Variants in IL2RB observed in about 807,000 individuals in gnomAD.
IL2RB encodes interleukin-2 receptor subunit beta.
In IL2RB, 17 loss-of-function variants were observed where a neutral mutation model predicts 44.2. That is an observed-to-expected ratio of 0.38 (90% CI 0.26 to 0.58). IL2RB has a LOEUF of 0.58. IL2RB is among the 20% of genes least tolerant of loss of function. The probability of loss-of-function intolerance (pLI) is 0.63; values close to 1 mark genes in which losing one functional copy is unlikely to be tolerated. For synonymous variants in IL2RB, 286 were observed against 297.9 expected, an observed-to-expected ratio of 0.96 and a Z score of 0.41; for missense variants, 624 against 685.5, an observed-to-expected ratio of 0.91 and a Z score of 1.00.
At chr22:37,170,067 GGATGGGGGA>G (rs59579453) in intron 1 of IL2RB, among the ~76,000 whole-genome samples, 123,516 of 144,624 alleles carry the variant, frequency 0.85, 51,814 homozygotes, top group East Asian at 0.94. Context: ...AAGGAAGGAA[GGATGGGGGA>G]GAAGGAAGGA....
chr22:37,158,042 A>C (rs570991992), intron 1 of IL2RB, among the ~76,000 whole-genome samples: 1 of 152,312 alleles, frequency 6.6e-6, no homozygotes, highest in African/African-American at 2.4e-5. Flanking sequence ...TCTCCCTGGA[A>C]GGCAATCTGA....
chr22:37,136,534 T>G (rs764400931), intron 6 of IL2RB, 141 bp from the exon 7 acceptor site: 118 of 877,944 alleles, frequency 1.3e-4, no homozygotes, highest in Non-Finnish European at 1.9e-4. Context: ...ACTACCCAGT[T>G]GCTGGGGCCT....
chr22:37,155,517 T>C (rs229481), intron 1 of IL2RB, among the ~76,000 whole-genome samples: 11 of 152,352 alleles, frequency 7.2e-5, no homozygotes, highest in African/African-American at 2.6e-4. Context: ...GTCAGGGCTT[T>C]GTGCATGCTG....
chr22:37,146,477 G>A (rs527441964), intron 1 of IL2RB, among the ~76,000 whole-genome samples: 51 of 152,300 alleles, frequency 3.3e-4, no homozygotes, highest in African/African-American at 1.1e-3. Flanking sequence ...GTGGCTCCAG[G>A]TGACCAGGAA....
upstream of IL2RB, among the ~76,000 whole-genome samples, chr22:37,153,828 T>A (rs1037365799): frequency 4.6e-5 from 7 of 152,048 alleles, no homozygotes; most frequent in East Asian, 1.9e-4. Context: ...AGCACACACA[T>A]ACAAAGAAAA....
intron 1 of IL2RB, among the ~76,000 whole-genome samples, chr22:37,161,020 A>G (rs1922848930): frequency 6.6e-6 from 1 of 152,228 alleles, no homozygotes; most frequent in African/African-American, 2.4e-5. Flanking sequence ...ACATGCCTTT[A>G]GTCCCAGCTA....
chr22:37,171,661 A>G (rs1471795486), intron 1 of IL2RB, among the ~76,000 whole-genome samples: 1 of 152,252 alleles, frequency 6.6e-6, no homozygotes, highest in Admixed American at 6.5e-5. Context: ...GAGGCAATTT[A>G]TAACTCCCTG....
At chr22:37,144,417 T>A (rs1347382631) in intron 1 of IL2RB, among the ~76,000 whole-genome samples, 1 of 152,208 alleles carries the variant, frequency 6.6e-6, no homozygotes, top group African/African-American at 2.4e-5. Context: ...TGCAGCCTCC[T>A]TTGAGAGGTC....
chr22:37,142,343 C>T, intron 4 of IL2RB, 91 bp downstream of exon 4: 3 of 1,213,638 alleles, frequency 2.5e-6, no homozygotes, highest in African/African-American at 1.5e-5. Flanking sequence ...GGCCTCAGCT[C>T]TTCCCCTGGC....
At chr22:37,173,277 C>G (rs1205983400) in intron 1 of IL2RB, among the ~76,000 whole-genome samples, 1 of 152,178 alleles carries the variant, frequency 6.6e-6, no homozygotes, top group Non-Finnish European at 1.5e-5. Context: ...CACGCTGAAG[C>G]CCTGCTGTGA....
At chr22:37,135,283 T>C (rs779620990) in intron 8 of IL2RB, 45 bp downstream of exon 8, 13 of 1,303,394 alleles carry the variant, frequency 1.0e-5, no homozygotes, top group Admixed American at 8.4e-5. Context: ...TGTGTGCACG[T>C]TGGAGGGGTG....
chr22:37,142,858 C>T (rs1431096808), intron 3 of IL2RB: 4 of 398,924 alleles, frequency 1.0e-5, no homozygotes, highest in Admixed American at 3.8e-5. Context: ...CCTTCAGAGC[C>T]GTGTGGAATC....
At chr22:37,162,648 G>A (rs1261256350) in intron 1 of IL2RB, among the ~76,000 whole-genome samples, 7 of 152,088 alleles carry the variant, frequency 4.6e-5, no homozygotes, top group Admixed American at 3.9e-4. Context: ...TCTACCACAC[G>A]GAGTCACAAA....
chr22:37,134,910 A>G (rs1054885362), intron 8 of IL2RB, among the ~76,000 whole-genome samples: 3 of 152,216 alleles, frequency 2.0e-5, no homozygotes, highest in Non-Finnish European at 2.9e-5. Flanking sequence ...GAATATGGGA[A>G]TAAGCGAATG....
At chr22:37,172,922 G>A (rs1923338026) in intron 1 of IL2RB, among the ~76,000 whole-genome samples, 1 of 152,140 alleles carries the variant, frequency 6.6e-6, no homozygotes. Context: ...GCTAGAGAGT[G>A]TTTCCCATCC....
chr22:37,162,639 C>G lies in IL2RB; in HGVS notation c.-34+12319G>C, dbSNP rs959607403. On this transcript the variant is annotated intron_variant, in intron 1 of 5. Transcript: ENST00000429622. ...TAGAGACAGTCCCACTGTGAAGCCT[C>G]TACCACACGGAGTCACAAACCCATT... 3.9e-5 allele frequency among the ~76,000 whole-genome samples: 6 copies of G among 152,186 alleles called. No individual in the cohort carries two copies. The East Asian group carries it at 1.2e-3, about 29-fold the overall frequency.
chr22:37,128,298 A>G lies in IL2RB; in HGVS notation c.1454T>C (p.Phe485Ser). Residue 485 changes from phenylalanine (F) to serine (S), a missense_variant, in exon 10 of 10, where the codon TTT becomes TCT. By Grantham distance (155) the Phe-to-Ser change is radical. This residue lies in a region of IL2RB where 291 missense variants were observed against 275.5 expected (regional missense o/e 1.06). Coordinates refer to ENST00000216223, the MANE Select transcript of IL2RB (RefSeq NM_000878.5). The surrounding 1 kb of genome is among the most constrained non-coding windows in gnomAD (Gnocchi z 4.5). Reference protein sequence around the residue: ...PTPGVPDLVDFQPPPELVLRE... With the variant: ...PTPGVPDLVDSQPPPELVLRE... ...CAGCACCAGCTCAGGGGGTGGCTGA[A>G]AATCCACCAGGTCTGGGACTCCTGG... 2.0e-6 allele frequency: 3 copies of G among 1,498,444 alleles called. No homozygotes were observed. Among genetic ancestry groups the G allele is most frequent in the African/African-American group, 1.4e-5 (1 of 71,152 alleles). 92.8% of individuals were successfully genotyped at this position (1,498,444 alleles called of 1,614,324 possible). A position where few individuals can be genotyped will look rare whatever the true frequency, so the allele number is the denominator to read the frequency against.
At position 37,136,394 on chromosome 22, in the gene IL2RB, C is replaced by T; in HGVS notation, c.538-1G>A. ...GCTTGAGAGTCAGCAGGGGGGCCTCCTGGGTCGGAGACAGGACTGTCAGCG... is the reference window on the plus strand; with the variant it reads ...GCTTGAGAGTCAGCAGGGGGGCCTCTTGGGTCGGAGACAGGACTGTCAGCG... On this transcript the variant is annotated splice_acceptor_variant, in intron 6 of 9. Coordinates refer to ENST00000216223, the MANE Select transcript of IL2RB (RefSeq NM_000878.5). LOFTEE classifies it high-confidence loss of function. 6.2e-7 allele frequency: 1 copy of T among 1,607,234 alleles called. No individual in the cohort carries two copies. Among genetic ancestry groups the T allele is most frequent in the Non-Finnish European group, 8.5e-7 (1 of 1,177,222 alleles).
At chr22:37,148,241 G>A (rs1922321166) in intron 1 of IL2RB, among the ~76,000 whole-genome samples, 1 of 152,224 alleles carries the variant, frequency 6.6e-6, no homozygotes, top group African/African-American at 2.4e-5. Flanking sequence ...GTGTGGGGGT[G>A]CCAGAGGGGC....
Sources: allele counts gnomAD v4.1 joint callset (sites outside exome capture counted in the v4.1 genomes callset), GRCh38; gene constraint gnomAD v4.1.1; regional missense constraint gnomAD v4.1.1; non-coding constraint Gnocchi (gnomAD v3.1); transcripts MANE v1.5; gene names NCBI Gene and HGNC (gene_info 2026-07-23, HGNC 2026-07-21).